EPHA6: variants seen among roughly 807,000 people sequenced by gnomAD.
The protein encoded by EPHA6 is ephrin type-A receptor 6.
Under a neutral mutation model 112.0 loss-of-function variants are expected in EPHA6, and 50 were observed. The observed-to-expected ratio is 0.45, with a 90% CI of 0.36 to 0.56. The LOEUF is 0.56. EPHA6 is among the 20% of genes least tolerant of loss of function. The pLI, the probability that EPHA6 is intolerant of heterozygous loss-of-function variation, is 0.00. For synonymous variants in EPHA6, 529 were observed against 490.7 expected (o/e 1.08, Z -1.03); for missense variants, 1,280 against 1,417.4 (o/e 0.90, Z 1.56).
intron 2 of EPHA6, among the ~76,000 whole-genome samples, chr3:96,952,267 A>G (rs1447371545): frequency 3.3e-5 from 5 of 152,182 alleles, no homozygotes; most frequent in African/African-American, 9.6e-5. Context: ...ACTTTCTGCT[A>G]TAGTTTGGAT....
At chr3:97,259,612 A>G (rs899945931) in intron 5 of EPHA6, among the ~76,000 whole-genome samples, 1 of 152,188 alleles carries the variant, frequency 6.6e-6, no homozygotes, top group Non-Finnish European at 1.5e-5. Context: ...GTGGATGCTC[A>G]GTAAATGTTT....
intron 5 of EPHA6, among the ~76,000 whole-genome samples, chr3:97,257,645 A>G (rs527369958): frequency 3.3e-5 from 5 of 152,166 alleles, no homozygotes; most frequent in Admixed American, 3.3e-4. Flanking sequence ...TAAAATTATT[A>G]TACTCTTTAA....
chr3:96,907,600 A>T (rs1559820551), intron 2 of EPHA6, among the ~76,000 whole-genome samples: 1 of 151,736 alleles, frequency 6.6e-6, no homozygotes, highest in Non-Finnish European at 1.5e-5. Flanking sequence ...AATATTTTTA[A>T]TATTTAGTAA....
chr3:96,956,754 G>C (rs1211513474), intron 2 of EPHA6, among the ~76,000 whole-genome samples: 1 of 152,108 alleles, frequency 6.6e-6, no homozygotes, highest in Non-Finnish European at 1.5e-5. Flanking sequence ...AAAAATGTAG[G>C]CTGGGTGCAG....
At chr3:97,089,591 A>C (rs2108225293) in intron 3 of EPHA6, among the ~76,000 whole-genome samples, 1 of 152,284 alleles carries the variant, frequency 6.6e-6, no homozygotes, top group Non-Finnish European at 1.5e-5. Context: ...CATTGTTTTC[A>C]AAAGGAGCTA....
intron 16 of EPHA6, among the ~76,000 whole-genome samples, chr3:97,741,184 C>CA (rs1253180159): frequency 4.0e-5 from 6 of 151,752 alleles, no homozygotes; most frequent in Non-Finnish European, 7.4e-5. Flanking sequence ...CCCATCTCTA[C>CA]AAAAAATTAA....
intron 3 of EPHA6, among the ~76,000 whole-genome samples, chr3:97,002,885 A>G (rs560909619): frequency 1.3e-5 from 2 of 152,316 alleles, no homozygotes; most frequent in African/African-American, 4.8e-5. Flanking sequence ...TTTAAAATAT[A>G]TAGTATTAAC....
chr3:97,380,573 G>A (rs1197624829), intron 5 of EPHA6, among the ~76,000 whole-genome samples: 4 of 152,084 alleles, frequency 2.6e-5, no homozygotes, highest in Admixed American at 2.6e-4. Flanking sequence ...TGAAGAAAAT[G>A]GAAACAGTCT....
intron 10 of EPHA6, among the ~76,000 whole-genome samples, chr3:97,526,248 T>C (rs1477227096): frequency 6.6e-6 from 1 of 152,126 alleles, no homozygotes; most frequent in African/African-American, 2.4e-5. Flanking sequence ...AGGCCAAGCT[T>C]CTCTCAGTCT....
intron 5 of EPHA6, among the ~76,000 whole-genome samples, chr3:97,315,649 A>C (rs2081792211): frequency 6.6e-6 from 1 of 151,756 alleles, no homozygotes; most frequent in African/African-American, 2.4e-5. Flanking sequence ...GGGGAAAAGG[A>C]GAAATTTTTA....
At chr3:97,497,756 A>C (rs1210318050) in intron 10 of EPHA6, among the ~76,000 whole-genome samples, 1 of 152,082 alleles carries the variant, frequency 6.6e-6, no homozygotes, top group Non-Finnish European at 1.5e-5. Context: ...CTTCTTATGC[A>C]TGTGCGGGGT....
At chr3:97,386,643 A>G (rs552732228) in intron 5 of EPHA6, among the ~76,000 whole-genome samples, 31 of 152,286 alleles carry the variant, frequency 2.0e-4, no homozygotes, top group African/African-American at 7.2e-4. Context: ...GGCACACAGT[A>G]CAAACTGTCA....
chr3:97,021,467 G>T (rs946959236), intron 3 of EPHA6, among the ~76,000 whole-genome samples: 1 of 152,116 alleles, frequency 6.6e-6, no homozygotes, highest in Non-Finnish European at 1.5e-5. Context: ...CTTTGCATTT[G>T]TTGCTTCCTC....
chr3:97,555,844 T>C (rs1326679131), intron 11 of EPHA6, among the ~76,000 whole-genome samples: 1 of 152,064 alleles, frequency 6.6e-6, no homozygotes, highest in Non-Finnish European at 1.5e-5. Flanking sequence ...GTCAGACGAG[T>C]AGGTTGCGAA....
At chr3:97,054,373 G>A (rs951307935) in intron 3 of EPHA6, among the ~76,000 whole-genome samples, 2 of 152,076 alleles carry the variant, frequency 1.3e-5, no homozygotes, top group African/African-American at 4.8e-5. Flanking sequence ...ATTCACAAAC[G>A]TGATTGCTAT....
chr3:96,888,827 G>A (rs2037786202), intron 2 of EPHA6, among the ~76,000 whole-genome samples: 1 of 152,172 alleles, frequency 6.6e-6, no homozygotes, highest in African/African-American at 2.4e-5. Flanking sequence ...TCTACAGCTG[G>A]CTTGGATTTC....
At chr3:97,417,530 G>T (rs1248916714) in intron 6 of EPHA6, among the ~76,000 whole-genome samples, 1 of 151,946 alleles carries the variant, frequency 6.6e-6, no homozygotes, top group Admixed American at 6.6e-5. Flanking sequence ...AAAGTAGGTA[G>T]GTATGTGTAA....
chr3:97,336,447 G>T (rs1233297163), intron 5 of EPHA6, among the ~76,000 whole-genome samples: 1 of 152,136 alleles, frequency 6.6e-6, no homozygotes, highest in Non-Finnish European at 1.5e-5. Flanking sequence ...TTCTCTACAC[G>T]TCTCCAAGTT....
intron 12 of EPHA6, among the ~76,000 whole-genome samples, chr3:97,598,179 CTGTT>C (rs918084266): frequency 3.2e-4 from 48 of 148,586 alleles, no homozygotes; most frequent in African/African-American, 1.2e-3. Context: ...TTGGAGACAC[CTGTT>C]TGTTTATTTT....
Sources: allele counts gnomAD v4.1 joint callset (sites outside exome capture counted in the v4.1 genomes callset), GRCh38; gene constraint gnomAD v4.1.1; transcripts MANE v1.5; gene names NCBI Gene and HGNC (gene_info 2026-07-23, HGNC 2026-07-21).